Variants in UTP18 observed in about 807,000 individuals in gnomAD.
The protein encoded by UTP18 is U3 small nucleolar RNA-associated protein 18 homolog.
UTP18 carries 36 observed loss-of-function variants against 61.1 expected under a neutral mutation model. The ratio of observed to expected loss-of-function variants is 0.59; its 90% CI spans 0.45 to 0.78. The LOEUF is 0.78. Among genes scored for constraint, UTP18 ranks in the 30% least tolerant of loss-of-function variants. UTP18 has a pLI of 0.00. For synonymous variants in UTP18, 282 were observed against 251.1 expected (o/e 1.12, Z -1.16); for missense variants, 753 against 693.9 (o/e 1.09, Z -0.96).
intron 9 of UTP18, among the ~76,000 whole-genome samples, chr17:51,282,145 G>A (rs1904952364): frequency 6.6e-6 from 1 of 152,206 alleles, no homozygotes; most frequent in Non-Finnish European, 1.5e-5. Flanking sequence ...TTTGGTAGCG[G>A]GAGACTTTCA....
intron 1 of UTP18, among the ~76,000 whole-genome samples, chr17:51,261,920 T>G (rs1017579847): frequency 6.6e-6 from 1 of 152,156 alleles, no homozygotes; most frequent in Non-Finnish European, 1.5e-5. Context: ...CATGCTGAAC[T>G]GTGCGACGGT....
chr17:51,283,312 G>A (rs939946747), intron 9 of UTP18, among the ~76,000 whole-genome samples: 4 of 151,704 alleles, frequency 2.6e-5, no homozygotes, highest in African/African-American at 9.7e-5. Context: ...GGGATTACAG[G>A]CACACACCAC....
chr17:51,276,407 T>G (rs1904724564), intron 6 of UTP18, among the ~76,000 whole-genome samples: 1 of 152,248 alleles, frequency 6.6e-6, no homozygotes, highest in African/African-American at 2.4e-5. Flanking sequence ...AATAGTGGTT[T>G]AAAATAATAG....
chr17:51,260,952 T>G, intron 1 of UTP18, 26 bp downstream of exon 1: 2 of 1,489,352 alleles, frequency 1.3e-6, no homozygotes, highest in Non-Finnish European at 8.9e-7. Flanking sequence ...GCGCGCGGGC[T>G]GGGCGCACTC....
chr17:51,280,923 A>C (rs1904893943), intron 9 of UTP18, among the ~76,000 whole-genome samples: 1 of 152,032 alleles, frequency 6.6e-6, no homozygotes, highest in Admixed American at 6.6e-5. Flanking sequence ...TACGCCTGTA[A>C]TCCCAGCACT....
chr17:51,283,596 T>C (rs1905021037), intron 9 of UTP18, among the ~76,000 whole-genome samples: 1 of 151,690 alleles, frequency 6.6e-6, no homozygotes, highest in African/African-American at 2.4e-5. Context: ...CTTTACTGGT[T>C]TTGTCTTTGT....
chr17:51,260,595 A>G lies in UTP18; in HGVS notation c.11A>G (p.Glu4Gly), dbSNP rs777141164. MPPERRRRMKLDRR... is the reference protein window; with the variant it reads MPPGRRRRMKLDRR... ...TCCTCAAACCTAACGATGCCGCCGG[A>G]GCGGAGGAGACGAATGAAACTGGAC... Residue 4 changes from glutamate (E) to glycine (G), a missense_variant, in exon 1 of 14, where the codon GAG becomes GGG. Physicochemically the swap from Glu to Gly is moderately conservative, Grantham distance 98. Transcript: ENST00000225298. 4 of 1,612,168 alleles carry G rather than the reference A, an allele frequency of 2.5e-6. No individual in the cohort carries two copies. The highest frequency in any genetic ancestry group is 2.5e-6 in the Non-Finnish European group (3 of 1,179,580).
chr17:51,265,196 T>C (rs913817857), intron 2 of UTP18, among the ~76,000 whole-genome samples: 24 of 152,130 alleles, frequency 1.6e-4, no homozygotes, highest in African/African-American at 5.8e-4. Flanking sequence ...GCTTTTTTAA[T>C]AGTAAGTAGT....
chr17:51,297,584 G>GTTGAGGGAC (rs1905401653), intron 13 of UTP18, among the ~76,000 whole-genome samples, 198 bp from the exon 14 acceptor site: 1 of 152,216 alleles, frequency 6.6e-6, no homozygotes, highest in African/African-American at 2.4e-5. Flanking sequence ...ATTAATGAAT[G>GTTGAGGGAC]TTGAGGGACT....
chr17:51,275,721 G>GTT (rs1019979391), intron 5 of UTP18, 145 bp from the exon 6 acceptor site: 411 of 652,706 alleles, frequency 6.3e-4, no homozygotes, highest in South Asian at 8.0e-4. Context: ...TTTGTTTTTT[G>GTT]TTTTTTTTTT....
At chr17:51,292,860 C>A (rs759397316) in intron 11 of UTP18, among the ~76,000 whole-genome samples, 1 of 152,214 alleles carries the variant, frequency 6.6e-6, no homozygotes, top group Non-Finnish European at 1.5e-5. Flanking sequence ...GAGCTTTTGG[C>A]TCTCTCTAAA....
intron 7 of UTP18, among the ~76,000 whole-genome samples, chr17:51,277,602 T>C (rs1904775484): frequency 6.6e-6 from 1 of 152,180 alleles, no homozygotes; most frequent in African/African-American, 2.4e-5. Flanking sequence ...AGAAAAAGCA[T>C]GAGCCATGGA....
chr17:51,277,205 G>A lies in UTP18; in HGVS notation c.913G>A (p.Ala305Thr). 1 of 1,614,122 alleles carries A rather than the reference G, an allele frequency of 6.2e-7. No homozygotes were observed. The highest frequency in any genetic ancestry group is 8.5e-7 in the Non-Finnish European group (1 of 1,180,002). Residue 305 changes from alanine (A) to threonine (T), a missense_variant, in exon 7 of 14, where the codon GCT (alanine) becomes ACT (threonine). By Grantham distance (58) the Ala-to-Thr change is moderately conservative. Coordinates refer to ENST00000225298, the MANE Select transcript of UTP18 (RefSeq NM_016001.3). ...TCCAATCTTTAAGGCTTGTTTTAGT[G>A]CTAATGGGGAAGAAGTTTTAGCCAC... ...RFPIFKACFS[A>T]NGEEVLATST...
chr17:51,291,654 G>A (rs1288116671), intron 11 of UTP18, among the ~76,000 whole-genome samples: 2 of 151,676 alleles, frequency 1.3e-5, no homozygotes, highest in Non-Finnish European at 2.9e-5. Context: ...AGAATTGCTT[G>A]CCCCCAAGAG....
chr17:51,295,159 C>T (rs1390409895), intron 12 of UTP18, among the ~76,000 whole-genome samples: 3 of 152,076 alleles, frequency 2.0e-5, no homozygotes, highest in African/African-American at 7.2e-5. Flanking sequence ...TGCCTGTTTA[C>T]TCTGATGGTA....
rs774740891 is a variant in UTP18, at chr17:51,293,991, C to T, written c.1592C>T (p.Pro531Leu). 50 of 1,609,906 alleles carry T rather than the reference C, an allele frequency of 3.1e-5. No individual in the cohort carries two copies. The highest frequency in any genetic ancestry group is 1.7e-4 in the Middle Eastern group (1 of 5,996). The part of the protein sequence containing the change: ...ISHVHTMDFS[P>L]RSGYFALGNE... ...CATGTTCATACCATGGATTTTTCTCCGAGAAGTGGATACTTTGCCTTGGGG... is the reference window on the plus strand; with the variant it reads ...CATGTTCATACCATGGATTTTTCTCTGAGAAGTGGATACTTTGCCTTGGGG... The change falls in exon 12 of 14, where the codon CCG becomes CTG. Residue 531 changes from proline to leucine, a missense_variant. By Grantham distance (98) the Pro-to-Leu change is moderately conservative (BLOSUM62 -3). Coordinates refer to ENST00000225298, the MANE Select transcript of UTP18 (RefSeq NM_016001.3).
intron 9 of UTP18, among the ~76,000 whole-genome samples, chr17:51,281,599 A>C (rs1422908917): frequency 6.6e-6 from 1 of 152,096 alleles, no homozygotes; most frequent in Non-Finnish European, 1.5e-5. Context: ...AGAGAAGTGG[A>C]GGTATCTATA....
In UTP18 at chr17:51,260,918, G is replaced by C. The variant is rs1396710788; in HGVS notation, c.334G>C (p.Gly112Arg). The C allele has an allele frequency of 2.5e-6, 4 of 1,577,696 alleles. No homozygotes were observed. Among genetic ancestry groups the C allele is most frequent in the East Asian group, 4.8e-5 (2 of 41,532 alleles). Reference protein sequence around the residue: ...DEDALLRRLRGPRVQEHEDSG... With the variant: ...DEDALLRRLRRPRVQEHEDSG... ...GGACGCGTTGCTGCGGCGTCTGCGA[G>C]GCCCGAGGGTGAGGGAGGCCGCGGC... The change falls in exon 1 of 14, where the codon GGC becomes CGC. Residue 112 changes from glycine (G) to arginine (R), a missense_variant. By Grantham distance (125) the Gly-to-Arg change is moderately radical. Coordinates refer to ENST00000225298, the MANE Select transcript of UTP18 (RefSeq NM_016001.3).
At chr17:51,289,426 C>T (rs976559089) in intron 11 of UTP18, among the ~76,000 whole-genome samples, 2 of 147,426 alleles carry the variant, frequency 1.4e-5, no homozygotes, top group Admixed American at 1.4e-4. Context: ...TCAGGCTGGT[C>T]TCGAACTCCC....
Sources: allele counts gnomAD v4.1 joint callset (sites outside exome capture counted in the v4.1 genomes callset), GRCh38; gene constraint gnomAD v4.1.1; transcripts MANE v1.5; gene names NCBI Gene and HGNC (gene_info 2026-07-23, HGNC 2026-07-21).